Variants in ASZ1 observed in about 807,000 individuals in gnomAD.
ASZ1 encodes the protein ankyrin repeat, SAM and basic leucine zipper domain containing 1.
ASZ1 carries 67 observed loss-of-function variants against 61.8 expected under a neutral mutation model. The observed-to-expected ratio is 1.08, with a 90% CI of 0.89 to 1.33. The LOEUF is 1.33. Among genes scored for constraint, ASZ1 ranks in the 40% most tolerant of loss-of-function variants. The probability of loss-of-function intolerance (pLI) is 0.00; values close to 1 mark genes in which losing one functional copy is unlikely to be tolerated. For synonymous variants in ASZ1, 193 were observed against 192.7 expected, an observed-to-expected ratio of 1.00 and a Z score of -0.01; for missense variants, 577 against 554.5, an observed-to-expected ratio of 1.04 and a Z score of -0.41.
At chr7:117,407,477 G>A (rs1449099226) in intron 4 of ASZ1, among the ~76,000 whole-genome samples, 3 of 151,650 alleles carry the variant, frequency 2.0e-5, no homozygotes, top group African/African-American at 7.3e-5. Context: ...AAGACCCCCA[G>A]TGGATGCCTG....
At chr7:117,395,717 T>C (rs1796564914) in intron 4 of ASZ1, among the ~76,000 whole-genome samples, 1 of 152,162 alleles carries the variant, frequency 6.6e-6, no homozygotes, top group Non-Finnish European at 1.5e-5. Flanking sequence ...CTATTTTCGG[T>C]TTACCAAGTA....
chr7:117,382,191 C>A, intron 7 of ASZ1, 47 bp from the exon 8 acceptor site: 2 of 1,107,644 alleles, frequency 1.8e-6, no homozygotes, highest in South Asian at 1.3e-5. Context: ...ATTATAAATG[C>A]ACAAGCGATA....
chr7:117,403,633 G>C (rs1427105699), intron 4 of ASZ1, among the ~76,000 whole-genome samples: 2 of 152,144 alleles, frequency 1.3e-5, no homozygotes, highest in Non-Finnish European at 2.9e-5. Context: ...TGTAATACTA[G>C]TTCAACATTT....
At position 117,380,006 on chromosome 7, in the gene ASZ1, A is replaced by G; in HGVS notation, c.987T>C (p.Ala329=). Residue 329 remains alanine, a synonymous_variant, in exon 10 of 13, where the codon GCT becomes GCC. Coordinates refer to ENST00000284629, the MANE Select transcript of ASZ1 (RefSeq NM_130768.3). Reference sequence around the variant, plus strand: ...TCTCTTCTACCTGTAGTTCTTTAAGAGCAGCCAGAATTTTCTGCTGGTCTT... The same window carrying G: ...TCTCTTCTACCTGTAGTTCTTTAAGGGCAGCCAGAATTTTCTGCTGGTCTT... ...TSKDQQKILA[A]LKELQVEEIQ... is the part of the protein sequence containing the mutation. 6.2e-7 allele frequency: 1 copy of G among 1,607,012 alleles called. No individual in the cohort carries two copies. Among genetic ancestry groups the G allele is most frequent in the Non-Finnish European group, 8.5e-7 (1 of 1,176,586 alleles).
At chr7:117,374,409 C>T (rs1444495380) in intron 10 of ASZ1, among the ~76,000 whole-genome samples, 1 of 152,054 alleles carries the variant, frequency 6.6e-6, no homozygotes. Context: ...TTAATATATA[C>T]ACCAAGCTCC....
intron 10 of ASZ1, among the ~76,000 whole-genome samples, chr7:117,375,878 A>T (rs1796126831): frequency 6.6e-6 from 1 of 152,084 alleles, no homozygotes; most frequent in Non-Finnish European, 1.5e-5. Flanking sequence ...TAAGAAAAAA[A>T]GTCTCAAAAA....
intron 9 of ASZ1, 43 bp from the exon 10 acceptor site, chr7:117,380,090 T>C: frequency 7.6e-7 from 1 of 1,310,448 alleles, no homozygotes; most frequent in South Asian, 1.3e-5. Flanking sequence ...TAGTTATACT[T>C]GAGTAATTTA....
chr7:117,397,117 C>T (rs1434571756), intron 4 of ASZ1, among the ~76,000 whole-genome samples: 1 of 151,796 alleles, frequency 6.6e-6, no homozygotes, highest in African/African-American at 2.4e-5. Flanking sequence ...TGGCACACAC[C>T]TATAGTCCAA....
intron 4 of ASZ1, among the ~76,000 whole-genome samples, chr7:117,387,181 C>G (rs899503516): frequency 6.7e-6 from 1 of 149,958 alleles, no homozygotes; most frequent in African/African-American, 2.5e-5. Context: ...TGGATGTGGT[C>G]TGCACAACTG....
chr7:117,426,986 C>T (rs10242827), intron 1 of ASZ1, 51 bp from the exon 2 acceptor site: 374,795 of 1,499,036 alleles, frequency 0.25, 49,367 homozygotes, highest in Middle Eastern at 0.27. Flanking sequence ...TTTTTGTTTC[C>T]ACCTCATCAG....
intron 4 of ASZ1, among the ~76,000 whole-genome samples, chr7:117,414,525 T>G (rs777648266): frequency 1.4e-4 from 22 of 152,176 alleles, no homozygotes; most frequent in Non-Finnish European, 2.6e-4. Context: ...GGGGTACATT[T>G]GTAGAGCATG....
In ASZ1 at chr7:117,363,678, C is replaced by G. The variant is rs1795872919; in HGVS notation, c.1346G>C (p.Arg449Thr). ...LREEVSTWNS[R>T]ILKRTAITIC... ...GGTAATAGCTGTCCTCTTCAAAATT[C>G]TACTATTCCATGTAGATACTTCTTC... Residue 449 changes from arginine (R) to threonine (T), a missense_variant, in exon 13 of 13, where the codon AGA becomes ACA. Arg to Thr is a moderately conservative substitution (Grantham distance 71). Transcript: ENST00000284629. The G allele has an allele frequency of 6.2e-7, 1 of 1,608,888 alleles. No homozygotes were observed. Among genetic ancestry groups the G allele is most frequent in the Non-Finnish European group, 8.5e-7 (1 of 1,177,296 alleles).
At chr7:117,395,035 T>C (rs1159433075) in intron 4 of ASZ1, among the ~76,000 whole-genome samples, 1 of 152,224 alleles carries the variant, frequency 6.6e-6, no homozygotes, top group Admixed American at 6.5e-5. Flanking sequence ...GACACCTACA[T>C]TCTTCAGATT....
intron 4 of ASZ1, among the ~76,000 whole-genome samples, chr7:117,392,327 T>C (rs147344591): frequency 7.2e-5 from 11 of 152,314 alleles, no homozygotes; most frequent in Non-Finnish European, 1.3e-4. Context: ...CTTGGTTAGA[T>C]GTATTCTAAA....
At position 117,383,055 on chromosome 7, in the gene ASZ1, A is replaced by G; in HGVS notation, c.743T>C (p.Leu248Pro). ...LNPLEGKLQQ[L>P]TKEDTICKIL... ...TTTACAAATAGTGTCTTCTTTAGTT[A>G]GCTGTTGAAGTTTTCCTTCCAATGG... Residue 248 changes from leucine to proline, a missense_variant, in exon 7 of 13, where the codon CTA (leucine) becomes CCA (proline). Leu to Pro is a moderately conservative substitution (Grantham distance 98). Transcript: ENST00000284629. 6.3e-7 allele frequency: 1 copy of G among 1,586,520 alleles called. No individual in the cohort carries two copies. The highest frequency in any genetic ancestry group is 1.4e-5 in the African/African-American group (1 of 73,606).
chr7:117,391,102 GT>G (rs1796458777), intron 4 of ASZ1, among the ~76,000 whole-genome samples: 2 of 151,372 alleles, frequency 1.3e-5, no homozygotes, highest in South Asian at 4.2e-4. Flanking sequence ...ACTTTTTCAT[GT>G]TTCTTGACTG....
chr7:117,397,146 C>A (rs975822401), intron 4 of ASZ1, among the ~76,000 whole-genome samples: 1 of 152,076 alleles, frequency 6.6e-6, no homozygotes, highest in African/African-American at 2.4e-5. Context: ...GATGCTGAGG[C>A]AGGAGTATCT....
intron 4 of ASZ1, among the ~76,000 whole-genome samples, chr7:117,407,913 G>A (rs572029802): frequency 6.6e-6 from 1 of 152,160 alleles, no homozygotes; most frequent in Non-Finnish European, 1.5e-5. Context: ...CGGGCAGTTA[G>A]TGTGTATAGA....
Position 117,422,324 on chromosome 7 carries a change from T to C in ASZ1, c.241A>G (p.Thr81Ala). The change falls in exon 3 of 13, where the codon ACT (threonine) becomes GCT (alanine). Residue 81 changes from threonine to alanine, a missense_variant. Thr to Ala is a moderately conservative substitution (Grantham distance 58). Coordinates refer to ENST00000284629, the MANE Select transcript of ASZ1 (RefSeq NM_130768.3). ...SVDSNFQYGW[T>A]PLMYAASVAN... ...ACACTAGCAGCATACATAAGGGGAG[T>C]CCATCCATACTGAAAGTTGGAATCT... 1 of 1,613,476 alleles carries C rather than the reference T, an allele frequency of 6.2e-7. No individual in the cohort carries two copies. The highest frequency in any genetic ancestry group is 1.3e-5 in the African/African-American group (1 of 74,926).
Sources: allele counts gnomAD v4.1 joint callset (sites outside exome capture counted in the v4.1 genomes callset), GRCh38; gene constraint gnomAD v4.1.1; transcripts MANE v1.5; gene names NCBI Gene and HGNC (gene_info 2026-07-23, HGNC 2026-07-21).